LRRFIP1: variants seen among roughly 807,000 people sequenced by gnomAD.
LRRFIP1 encodes LRR binding FLII interacting protein 1.
Under a neutral mutation model 104.4 loss-of-function variants are expected in LRRFIP1, and 62 were observed. The ratio of observed to expected loss-of-function variants is 0.59; its 90% confidence interval spans 0.48 to 0.73. LRRFIP1 has a LOEUF of 0.73. LRRFIP1 is among the 30% of genes least tolerant of loss of function. The pLI, the probability that LRRFIP1 is intolerant of heterozygous loss-of-function variation, is 0.00. For missense variants in LRRFIP1, 796 were observed against 824.5 expected (o/e 0.97, Z 0.42); for synonymous variants, 300 against 299.0 (o/e 1.00, Z -0.03).
At chr2:237,674,184 G>T (rs1348423926) in intron 1 of LRRFIP1, among the ~76,000 whole-genome samples, 2 of 152,184 alleles carry the variant, frequency 1.3e-5, no homozygotes, top group African/African-American at 4.8e-5. Flanking sequence ...GGCAGGGGCT[G>T]AGGCTTGGAG....
At chr2:237,647,004 T>C (rs1452360677) in intron 1 of LRRFIP1, among the ~76,000 whole-genome samples, 2 of 152,054 alleles carry the variant, frequency 1.3e-5, no homozygotes, top group East Asian at 3.8e-4. Context: ...TTTCTACATT[T>C]ACTGTAATGT....
At chr2:237,733,939 C>A in intron 9 of LRRFIP1, 121 bp downstream of exon 9, 1 of 1,034,324 alleles carries the variant, frequency 9.7e-7, no homozygotes, top group South Asian at 1.4e-5. Context: ...TGCACCTTCA[C>A]GTGGAGCTTA....
chr2:237,745,340 G>A (rs1035456235), intron 11 of LRRFIP1, among the ~76,000 whole-genome samples: 3 of 152,172 alleles, frequency 2.0e-5, no homozygotes, highest in Non-Finnish European at 4.4e-5. Flanking sequence ...TAGGTTAGAC[G>A]TTCATTTGCC....
In LRRFIP1 at chr2:237,673,948, C is replaced by G. The variant is rs186250366; in HGVS notation, c.97-34596C>G. On this transcript the variant is annotated intron_variant, in intron 1 of 23. Transcript: ENST00000308482. The stretch of plus-strand genomic sequence containing the variant: ...CGTCTACAAACACTGTCTATTGTCT[C>G]GTTTCATCCTCACAACAACCACCCC... 7.7e-4 allele frequency among the ~76,000 whole-genome samples: 117 copies of G among 152,166 alleles called. 1 individual carries two copies. Among genetic ancestry groups the G allele is most frequent in the South Asian group, 5.2e-3 (25 of 4,828 alleles).
At chr2:237,648,764 T>C (rs1452641301) in intron 1 of LRRFIP1, among the ~76,000 whole-genome samples, 2 of 144,732 alleles carry the variant, frequency 1.4e-5, no homozygotes, top group South Asian at 2.4e-4. Flanking sequence ...AGAGCCTGCG[T>C]GACTGTGTGG....
At chr2:237,688,990 G>A (rs960282652) in intron 1 of LRRFIP1, among the ~76,000 whole-genome samples, 2 of 149,046 alleles carry the variant, frequency 1.3e-5, no homozygotes, top group South Asian at 2.2e-4. Context: ...CTTCCCATGC[G>A]TCAAGTTTGT....
intron 20 of LRRFIP1, chr2:237,770,414 C>T (rs2060516698): frequency 5.8e-6 from 1 of 171,268 alleles, no homozygotes; most frequent in Admixed American, 5.8e-5. Flanking sequence ...TCTTGGTGAT[C>T]AGCACCCCTC....
chr2:237,661,073 C>A lies in LRRFIP1; in HGVS notation c.96+33333C>A, dbSNP rs2087836837. The stretch of plus-strand genomic sequence containing the variant: ...GAGAAACTAACATGCCATCTCTGCT[C>A]TCCCACCGCTTCCTGGGTTGGGCTG... On this transcript the variant is annotated intron_variant, in intron 1 of 23. Coordinates refer to ENST00000308482, the MANE Select transcript of LRRFIP1 (RefSeq NM_001137550.2). This position sits in a 1 kb window ranked among gnomAD's most constrained non-coding sequence, Gnocchi z 4.4. Among the ~76,000 whole-genome samples the A allele has an allele frequency of 6.6e-6, 1 of 152,170 alleles. No homozygotes were observed. Among genetic ancestry groups the A allele is most frequent in the Non-Finnish European group, 1.5e-5 (1 of 68,032 alleles).
At chr2:237,723,814 T>G (rs2094624800) in intron 7 of LRRFIP1, among the ~76,000 whole-genome samples, 1 of 152,252 alleles carries the variant, frequency 6.6e-6, no homozygotes, top group Non-Finnish European at 1.5e-5. Flanking sequence ...CATCTGTGCA[T>G]GAACACTCCC....
chr2:237,707,431 C>T (rs558773983), intron 1 of LRRFIP1, among the ~76,000 whole-genome samples: 2 of 112,120 alleles, frequency 1.8e-5, no homozygotes, highest in East Asian at 4.8e-4. Context: ...GCCTGGGCAA[C>T]AGAACAAGAC....
At chr2:237,760,536 C>G (rs1271102878) in intron 19 of LRRFIP1, among the ~76,000 whole-genome samples, 4 of 152,226 alleles carry the variant, frequency 2.6e-5, no homozygotes, top group Admixed American at 1.3e-4. Context: ...TTTCCTCAGA[C>G]ACATATATAT....
At chr2:237,699,114 C>A (rs2093361780) in intron 1 of LRRFIP1, among the ~76,000 whole-genome samples, 1 of 152,106 alleles carries the variant, frequency 6.6e-6, no homozygotes, top group African/African-American at 2.4e-5. Flanking sequence ...GCACTGAGAC[C>A]CACACACCAC....
At chr2:237,777,490 G>A (rs1034812089) in intron 23 of LRRFIP1, among the ~76,000 whole-genome samples, 2 of 152,038 alleles carry the variant, frequency 1.3e-5, no homozygotes, top group Non-Finnish European at 2.9e-5. Flanking sequence ...ATTCTGTGTG[G>A]TGGTCATTTT....
Position 237,772,940 on chromosome 2 carries a change from C to T in LRRFIP1, c.1702C>T (p.Gln568Ter). The change falls in exon 22 of 24, where the codon CAA becomes TAA. Residue 568 changes from glutamine to a stop codon, truncating the protein, a stop_gained. Coordinates refer to ENST00000308482, the MANE Select transcript of LRRFIP1 (RefSeq NM_001137550.2). LOFTEE classifies it high-confidence loss of function. ...KSEQEITALE[Q>*]NVIRLESQVS... ...TGAGCAAGAGATAACTGCATTAGAA[C>T]AAAATGTACGTGTAAGCAACAACGG... 1 of 1,611,742 alleles carries T rather than the reference C, an allele frequency of 6.2e-7. No individual in the cohort carries two copies. The highest frequency in any genetic ancestry group is 8.5e-7 in the Non-Finnish European group (1 of 1,177,848).
At chr2:237,692,506 G>A (rs1343750467) in intron 1 of LRRFIP1, 1 of 1,532,128 alleles carries the variant, frequency 6.5e-7, no homozygotes, top group Non-Finnish European at 8.8e-7. Context: ...GTTTGAGCCC[G>A]GAAGCGCAGA....
At position 237,781,635 on chromosome 2, in the gene LRRFIP1, C is replaced by G. The variant is rs1382027828; in HGVS notation, c.*2103C>G. On this transcript the variant is annotated 3_prime_UTR_variant, in exon 24 of 24. Transcript: ENST00000308482. ...ATTTAGTAAAATAAAACTTTTTTTG[C>G]AGATGTAACGAATGGAAATTGGTTG... Among the ~76,000 whole-genome samples, 1 of 152,114 alleles carries G rather than the reference C, an allele frequency of 6.6e-6. No homozygotes were observed. The highest frequency in any genetic ancestry group is 1.9e-4 in the East Asian group (1 of 5,192).
chr2:237,675,696 A>AAAAGAACACTGGAAAAGAAAAGT (rs1299919270), intron 1 of LRRFIP1, among the ~76,000 whole-genome samples: 3 of 152,378 alleles, frequency 2.0e-5, no homozygotes, highest in South Asian at 4.1e-4. Flanking sequence ...CATGGAAGAA[A>AAAAGAACACTGGAAAAGAAAAGT]AAAGAACACT....
chr2:237,685,105 C>A (rs114349876), intron 1 of LRRFIP1, among the ~76,000 whole-genome samples: 4,757 of 19,444 alleles, frequency 0.24, 305 homozygotes, highest in African/African-American at 0.4. Context: ...TGTCTCCCTA[C>A]CCTCCCCCCC....
chr2:237,781,603 T>C lies in LRRFIP1; in HGVS notation c.*2071T>C, dbSNP rs971312940. Among the ~76,000 whole-genome samples the C allele has an allele frequency of 1.3e-5, 2 of 152,260 alleles. No individual in the cohort carries two copies. The highest frequency in any genetic ancestry group is 4.8e-5 in the African/African-American group (2 of 41,470). On this transcript the variant is annotated 3_prime_UTR_variant, in exon 24 of 24. Transcript: ENST00000308482. ...CCAGAGGAAGCTAGAACACGATTTTTAAATTTATTTAGTAAAATAAAACTT... is the reference window on the plus strand; with the variant it reads ...CCAGAGGAAGCTAGAACACGATTTTCAAATTTATTTAGTAAAATAAAACTT...
Sources: gnomAD v4.1 joint callset for allele counts (sites outside exome capture counted in the v4.1 genomes callset) on GRCh38, gnomAD v4.1.1 for gene constraint, Gnocchi (gnomAD v3.1) non-coding constraint, MANE v1.5 for transcripts, NCBI Gene and HGNC (gene_info 2026-07-23, HGNC 2026-07-21) for gene names.